The following GPC6 variants were observed in gnomAD, a reference collection of about 807,000 sequenced individuals.
GPC6 encodes glypican 6.
A neutral mutation model predicts 55.2 loss-of-function variants in GPC6; 14 were observed. The ratio of observed to expected loss-of-function variants is 0.25; its 90% confidence interval spans 0.17 to 0.40. GPC6 has a LOEUF of 0.40. Ranked by LOEUF, GPC6 falls within the 10% of genes least tolerant of loss-of-function variation. The probability of loss-of-function intolerance (pLI) is 1.00; values close to 1 mark genes in which losing one functional copy is unlikely to be tolerated. For synonymous variants in GPC6, 278 were observed against 259.6 expected, an observed-to-expected ratio of 1.07 and a Z score of -0.68; for missense variants, 641 against 708.5, an observed-to-expected ratio of 0.90 and a Z score of 1.08.
chr13:93,886,530 T>C (rs1875337029), intron 3 of GPC6, among the ~76,000 whole-genome samples: 1 of 152,044 alleles, frequency 6.6e-6, no homozygotes, highest in African/African-American at 2.4e-5. Context: ...ATTTTGGCTA[T>C]ATTGAAGCTT....
intron 4 of GPC6, among the ~76,000 whole-genome samples, chr13:94,274,888 G>A (rs1447295919): frequency 6.6e-6 from 1 of 151,982 alleles, no homozygotes; most frequent in African/African-American, 2.4e-5. Flanking sequence ...AATTCCCACA[G>A]AAACTCTTCA....
At chr13:94,092,131 C>T (rs7983927) in intron 4 of GPC6, among the ~76,000 whole-genome samples, 104,483 of 129,944 alleles carry the variant, frequency 0.8, 41,895 homozygotes, top group South Asian at 0.88. Flanking sequence ...CGGGGTGGGG[C>T]GGGGGGCGGG....
chr13:93,839,103 G>T (rs1163932555), intron 3 of GPC6, among the ~76,000 whole-genome samples: 1 of 152,266 alleles, frequency 6.6e-6, no homozygotes, highest in African/African-American at 2.4e-5. Context: ...AGATAGTTAA[G>T]TGGAAAGGGC....
rs143074859 is a variant in GPC6, at chr13:93,452,949, T to G, written c.161-92314T>G. Among the ~76,000 whole-genome samples the G allele has an allele frequency of 5.3e-3, 813 of 152,358 alleles. 3 individuals carry two copies. The highest frequency in any genetic ancestry group is 0.011 in the South Asian group (52 of 4,824). On this transcript the variant is annotated intron_variant, in intron 1 of 8. Transcript: ENST00000377047. ...CCCAATTCCTGTAATGTGCCAACCTTTCCCTCCAGCATGACATACCTTTGC... is the reference window on the plus strand; with the variant it reads ...CCCAATTCCTGTAATGTGCCAACCTGTCCCTCCAGCATGACATACCTTTGC...
At chr13:94,310,348 G>C (rs1337400967) in intron 6 of GPC6, among the ~76,000 whole-genome samples, 1 of 152,140 alleles carries the variant, frequency 6.6e-6, no homozygotes, top group Non-Finnish European at 1.5e-5. Flanking sequence ...TAAATCTCCA[G>C]TAAGTATTCA....
intron 1 of GPC6, among the ~76,000 whole-genome samples, chr13:93,511,686 G>GT (rs1237418166): frequency 5.3e-5 from 8 of 151,888 alleles, no homozygotes; most frequent in Non-Finnish European, 8.8e-5. Context: ...TTTTAGGATC[G>GT]TTTTTTCTAA....
intron 4 of GPC6, among the ~76,000 whole-genome samples, chr13:94,076,144 T>TA (rs71126429): frequency 4.7e-5 from 7 of 149,890 alleles, no homozygotes; most frequent in South Asian, 4.2e-4. Context: ...TTTTTTTTTT[T>TA]AAATAATGAT....
At position 93,701,059 on chromosome 13, in the gene GPC6, A is replaced by G. The variant is rs1882650038; in HGVS notation, c.320-129095A>G. Among the ~76,000 whole-genome samples the G allele has an allele frequency of 3.3e-5, 5 of 152,264 alleles. No homozygotes were observed. The South Asian group carries it at 1.0e-3, about 32-fold the overall frequency. On this transcript the variant is annotated intron_variant, in intron 2 of 8. Coordinates refer to ENST00000377047, the MANE Select transcript of GPC6 (RefSeq NM_005708.5). The stretch of plus-strand genomic sequence containing the variant: ...TGTTAGAAATTACATATCAAAAAGG[A>G]AATATTTTAAGAAGCTCACAAAGAA...
At chr13:94,361,319 T>C (rs1172311953) in intron 6 of GPC6, among the ~76,000 whole-genome samples, 2 of 152,200 alleles carry the variant, frequency 1.3e-5, no homozygotes, top group Non-Finnish European at 2.9e-5. Flanking sequence ...GCCCAGTGTT[T>C]AGAAGTACCT....
intron 4 of GPC6, among the ~76,000 whole-genome samples, chr13:94,089,079 A>C (rs1162844320): frequency 6.6e-6 from 1 of 152,186 alleles, no homozygotes; most frequent in African/African-American, 2.4e-5. Flanking sequence ...GTTGGCACCA[A>C]GAAGATTCTC....
chr13:93,370,702 T>C (rs1255643007), intron 1 of GPC6, among the ~76,000 whole-genome samples: 1 of 152,122 alleles, frequency 6.6e-6, no homozygotes, highest in African/African-American at 2.4e-5. Context: ...AGCAGGCAAA[T>C]TACCAGGGAT....
At chr13:94,198,889 A>T (rs1054102608) in intron 4 of GPC6, among the ~76,000 whole-genome samples, 5 of 152,220 alleles carry the variant, frequency 3.3e-5, no homozygotes, top group Non-Finnish European at 7.3e-5. Flanking sequence ...ATTCAGATTA[A>T]ATCTTTGTTC....
intron 5 of GPC6, among the ~76,000 whole-genome samples, chr13:94,291,268 C>T (rs927391179): frequency 6.6e-6 from 1 of 151,646 alleles, no homozygotes; most frequent in African/African-American, 2.4e-5. Context: ...TGAGAGGACA[C>T]AGGACCAAGG....
At chr13:93,730,594 T>TA (rs1335997492) in intron 2 of GPC6, among the ~76,000 whole-genome samples, 1 of 152,194 alleles carries the variant, frequency 6.6e-6, no homozygotes, top group African/African-American at 2.4e-5. Flanking sequence ...AGATCACATT[T>TA]AACAAAACAT....
At chr13:93,554,863 T>C (rs902284913) in intron 2 of GPC6, among the ~76,000 whole-genome samples, 5 of 152,222 alleles carry the variant, frequency 3.3e-5, no homozygotes, top group Non-Finnish European at 7.3e-5. Context: ...CTCATCACAG[T>C]TTCAGAATGT....
intron 4 of GPC6, among the ~76,000 whole-genome samples, chr13:94,058,655 C>G (rs1478386543): frequency 6.6e-6 from 1 of 152,136 alleles, no homozygotes; most frequent in South Asian, 2.1e-4. Context: ...TCTCTGCCCT[C>G]GGAAGATTTC....
At chr13:93,248,727 G>A (rs1876688791) in intron 1 of GPC6, among the ~76,000 whole-genome samples, 1 of 152,204 alleles carries the variant, frequency 6.6e-6, no homozygotes, top group Non-Finnish European at 1.5e-5. Context: ...CCCAGAAGGA[G>A]GCTCTGCTGC....
At chr13:94,234,694 T>C (rs1379516345) in intron 4 of GPC6, among the ~76,000 whole-genome samples, 1 of 152,124 alleles carries the variant, frequency 6.6e-6, no homozygotes, top group Non-Finnish European at 1.5e-5. Context: ...ACTCTTTTTT[T>C]CCAGTGTTTC....
At chr13:93,542,564 G>A (rs2139429275) in intron 1 of GPC6, among the ~76,000 whole-genome samples, 1 of 152,290 alleles carries the variant, frequency 6.6e-6, no homozygotes, top group South Asian at 2.1e-4. Context: ...TGTGAAGAAA[G>A]TCATTGGTAG....
Sources: allele counts gnomAD v4.1 joint callset (sites outside exome capture counted in the v4.1 genomes callset), GRCh38; gene constraint gnomAD v4.1.1; transcripts MANE v1.5; gene names NCBI Gene and HGNC (gene_info 2026-07-23, HGNC 2026-07-21).